PCSK6: variants seen among roughly 807,000 people sequenced by gnomAD.
PCSK6 encodes paired basic amino acid cleaving enzyme 4.
PCSK6 carries 85 observed loss-of-function variants against 123.3 expected under a neutral mutation model. The observed-to-expected ratio is 0.69, with a 90% CI of 0.58 to 0.83. The LOEUF is 0.83. Among genes scored for constraint, PCSK6 ranks in the 40% least tolerant of loss-of-function variants. PCSK6 has a pLI of 0.00. For synonymous variants in PCSK6, 508 were observed against 516.0 expected, an observed-to-expected ratio of 0.98 and a Z score of 0.21; for missense variants, 1,191 against 1,282.3, an observed-to-expected ratio of 0.93 and a Z score of 1.09.
intron 9 of PCSK6, among the ~76,000 whole-genome samples, chr15:101,387,799 C>T (rs536506361): frequency 6.8e-5 from 2 of 29,322 alleles, no homozygotes; most frequent in East Asian, 1.5e-3. Context: ...GAGAAGGCGG[C>T]CTGGGGCCAA....
chr15:101,318,216 T>C, intron 19 of PCSK6, 103 bp downstream of exon 19: 1 of 799,190 alleles, frequency 1.3e-6, no homozygotes, highest in Non-Finnish European at 2.0e-6. Flanking sequence ...AATGCTGCAA[T>C]AAATGCAGAA....
In PCSK6 at chr15:101,393,291, T is replaced by C. The variant is rs1300399625; in HGVS notation, c.1130A>G (p.Tyr377Cys). 6.2e-7 allele frequency: 1 copy of C among 1,613,040 alleles called. No homozygotes were observed. The highest frequency in any genetic ancestry group is 8.5e-7 in the Non-Finnish European group (1 of 1,179,646). Reference protein sequence around the residue: ...ISVSSATENGYKPWYLEECAS... With the variant: ...ISVSSATENGCKPWYLEECAS... ...ACACTCTTCCAGGTACCAGGGCTTG[T>C]AGCCATTCTCGGTGGCGCTGCTGAC... Residue 377 changes from tyrosine (Y) to cysteine (C), a missense_variant, in exon 8 of 22, where the codon TAC (tyrosine) becomes TGC (cysteine). Physicochemically the swap from Tyr to Cys is radical, Grantham distance 194. Coordinates refer to ENST00000611716, the MANE Select transcript of PCSK6 (RefSeq NM_002570.5).
At chr15:101,310,521 G>C (rs2039831288) in intron 20 of PCSK6, among the ~76,000 whole-genome samples, 1 of 152,248 alleles carries the variant, frequency 6.6e-6, no homozygotes, top group South Asian at 2.1e-4. Flanking sequence ...AGAACCAGCT[G>C]ACTGGTTACC....
chr15:101,444,214 A>G (rs906284997), intron 1 of PCSK6, among the ~76,000 whole-genome samples: 2 of 152,144 alleles, frequency 1.3e-5, no homozygotes, highest in Non-Finnish European at 2.9e-5. Context: ...AGGTGTCCCA[A>G]TTTTCTGCCA....
In PCSK6 at chr15:101,478,262, G is replaced by A. The variant is rs574227844; in HGVS notation, c.297+11112C>T. Among the ~76,000 whole-genome samples, 2 of 152,256 alleles carry A rather than the reference G, an allele frequency of 1.3e-5. 1 individual carries two copies. Among genetic ancestry groups the A allele is most frequent in the South Asian group, 4.1e-4 (2 of 4,820 alleles). On this transcript the variant is annotated intron_variant, in intron 1 of 21. Transcript: ENST00000611716. The stretch of plus-strand genomic sequence containing the variant: ...ATGGGATTAATAGTACGGTTCTGGG[G>A]GCAATCATCAGCAGTGCCTGGCAGA...
At position 101,382,103 on chromosome 15, in the gene PCSK6, G is replaced by T. The variant is rs774132355; in HGVS notation, c.1521C>A (p.Asp507Glu). The T allele has an allele frequency of 6.9e-6, 11 of 1,605,814 alleles. No homozygotes were observed. The South Asian group carries it at 1.0e-4, about 15-fold the overall frequency. Residue 507 changes from aspartate to glutamate, a missense_variant, in exon 11 of 22, where the codon GAC (aspartate) becomes GAA (glutamate). Around this residue, in one of 3 missense-constraint regions of PCSK6, gnomAD observed 630 missense variants for 631.4 expected, o/e 1.00. Coordinates refer to ENST00000611716, the MANE Select transcript of PCSK6 (RefSeq NM_002570.5). ...CAGCAGAGCCTTACCTGGGTCTCTTGTCCGAGGCGGCCACACACATGTGCT... is the reference window on the plus strand; with the variant it reads ...CAGCAGAGCCTTACCTGGGTCTCTTTTCCGAGGCGGCCACACACATGTGCT... Reference protein sequence around the residue: ...PSQHMCVAASDKRPRSIPLVQ... With the variant: ...PSQHMCVAASEKRPRSIPLVQ...
At chr15:101,350,669 C>T (rs568659234) in intron 13 of PCSK6, among the ~76,000 whole-genome samples, 9 of 152,332 alleles carry the variant, frequency 5.9e-5, no homozygotes, top group East Asian at 3.9e-4. Flanking sequence ...CTGGTTGCGA[C>T]GTATATTCCT....
intron 19 of PCSK6, among the ~76,000 whole-genome samples, chr15:101,317,158 C>T (rs1451510349): frequency 2.0e-5 from 3 of 152,114 alleles, no homozygotes; most frequent in East Asian, 1.9e-4. Context: ...GTGATCCACC[C>T]GCCTTGGCCT....
At position 101,360,570 on chromosome 15, in the gene PCSK6, G is replaced by A. The variant is rs111663026; in HGVS notation, c.1858+5626C>T. The stretch of plus-strand genomic sequence containing the variant: ...CTTAGCATCCCCTGGAACACACCAG[G>A]CACACTCCTGCCCGGGGGCCTTAGC... On this transcript the variant is annotated intron_variant, in intron 13 of 21. Coordinates refer to ENST00000611716, the MANE Select transcript of PCSK6 (RefSeq NM_002570.5). Among the ~76,000 whole-genome samples the A allele has an allele frequency of 3.0e-3, 292 of 97,564 alleles. 6 individuals are homozygous for A. Among genetic ancestry groups the A allele is most frequent in the Middle Eastern group, 5.8e-3 (1 of 172 alleles). The allele number at this position is 97,564 out of a possible 152,430, so 64.0% of individuals were successfully genotyped here.
At chr15:101,376,512 G>A (rs1236794759) in intron 11 of PCSK6, among the ~76,000 whole-genome samples, 3 of 152,196 alleles carry the variant, frequency 2.0e-5, no homozygotes, top group African/African-American at 7.2e-5. Flanking sequence ...GGACAGGCTG[G>A]CAAAAATGTG....
intron 12 of PCSK6, among the ~76,000 whole-genome samples, chr15:101,368,427 G>C (rs547668555): frequency 6.6e-6 from 1 of 152,360 alleles, no homozygotes; most frequent in Admixed American, 6.5e-5. Context: ...AATGTTTACA[G>C]ATAAGTGAAG....
intron 1 of PCSK6, among the ~76,000 whole-genome samples, chr15:101,465,809 TA>T (rs1049434552): frequency 1.6e-4 from 25 of 152,064 alleles, no homozygotes; most frequent in Admixed American, 6.5e-4. Flanking sequence ...AGGAAACCAC[TA>T]AAAAAATTTT....
At chr15:101,447,440 A>T (rs1385106110) in intron 1 of PCSK6, among the ~76,000 whole-genome samples, 1 of 152,078 alleles carries the variant, frequency 6.6e-6, no homozygotes, top group African/African-American at 2.4e-5. Flanking sequence ...GGAGGTTAAG[A>T]CTATGTCACA....
At chr15:101,392,242 AG>A (rs1567185473) in intron 8 of PCSK6, among the ~76,000 whole-genome samples, 1 of 152,346 alleles carries the variant, frequency 6.6e-6, no homozygotes, top group East Asian at 1.9e-4. Flanking sequence ...TGCCCGTCCC[AG>A]GGGTGCGTAC....
chr15:101,324,459 G>A (rs140479726), intron 17 of PCSK6, among the ~76,000 whole-genome samples: 77 of 152,324 alleles, frequency 5.1e-4, no homozygotes, highest in African/African-American at 1.5e-3. Flanking sequence ...TTTCCTGGAG[G>A]AGAAATTACA....
chr15:101,315,491 G>A (rs1241835974), intron 19 of PCSK6, among the ~76,000 whole-genome samples: 1 of 152,250 alleles, frequency 6.6e-6, no homozygotes, highest in African/African-American at 2.4e-5. Flanking sequence ...TACAGGACCT[G>A]CTATGTTGTT....
At position 101,324,893 on chromosome 15, in the gene PCSK6, G is replaced by A. The variant is rs1299392516; in HGVS notation, c.2334C>T (p.Asn778=). Residue 778 remains asparagine, a synonymous_variant, in exon 17 of 22, where the codon AAC becomes AAT. Transcript: ENST00000611716. ...CTGCAGGACAGAGGGTCACACAGGT[G>A]TTCATCTCCTGGTGGTGATAGAACC... is the stretch of plus-strand genomic sequence containing the variant. The part of the protein sequence containing the change: ...RRGFYHHQEM[N]TCVTLCPAGF... 2 of 1,613,670 alleles carry A rather than the reference G, an allele frequency of 1.2e-6. No homozygotes were observed. Among genetic ancestry groups the A allele is most frequent in the Non-Finnish European group, 1.7e-6 (2 of 1,179,898 alleles).
rs555501474 is a variant in PCSK6, at chr15:101,461,236, G to A, written c.298-17576C>T. 9.2e-5 allele frequency among the ~76,000 whole-genome samples: 14 copies of A among 152,246 alleles called. No individual in the cohort carries two copies. In the South Asian group the frequency reaches 2.3e-3, roughly 25 times the overall value. On this transcript the variant is annotated intron_variant, in intron 1 of 21. Coordinates refer to ENST00000611716, the MANE Select transcript of PCSK6 (RefSeq NM_002570.5). ...ACAATAAGGAAACACTACCAATGCC[G>A]TTACACTCATAATTCTGAAAACACA...
At chr15:101,388,889 C>A (rs1401480886) in intron 9 of PCSK6, among the ~76,000 whole-genome samples, 1 of 152,084 alleles carries the variant, frequency 6.6e-6, no homozygotes. Flanking sequence ...TTGCCAGAGG[C>A]TAGGGCGGGG....
Sources: allele counts gnomAD v4.1 joint callset (sites outside exome capture counted in the v4.1 genomes callset), GRCh38; gene constraint gnomAD v4.1.1; regional missense constraint gnomAD v4.1.1; transcripts MANE v1.5; gene names NCBI Gene and HGNC (gene_info 2026-07-23, HGNC 2026-07-21).